Variants in MAD2L1 observed in about 807,000 individuals in gnomAD.
The protein encoded by MAD2L1 is mitotic spindle assembly checkpoint protein MAD2A.
Under a neutral mutation model 25.9 loss-of-function variants are expected in MAD2L1, and 10 were observed. The ratio of observed to expected loss-of-function variants is 0.39; its 90% CI spans 0.24 to 0.66. The LOEUF (loss-of-function observed/expected upper bound fraction) is 0.66, where lower values mean the gene tolerates loss of function less well. Ranked by LOEUF, MAD2L1 falls within the 30% of genes least tolerant of loss-of-function variation. The probability of loss-of-function intolerance (pLI) is 0.49; values close to 1 mark genes in which losing one functional copy is unlikely to be tolerated. For synonymous variants in MAD2L1, 81 were observed against 91.8 expected, an observed-to-expected ratio of 0.88 and a Z score of 0.67; for missense variants, 180 against 246.4, an observed-to-expected ratio of 0.73 and a Z score of 1.80.
chr4:120,056,183 C>T lies in MAD2L1; in HGVS notation c.*3935G>A, dbSNP rs1043622530. On this transcript the variant is annotated 3_prime_UTR_variant, in exon 5 of 5. Coordinates refer to ENST00000296509, the MANE Select transcript of MAD2L1 (RefSeq NM_002358.4). ...CTTCCTTGGCCAGGGATAGGAGAGA[C>T]CACTAAACTTCAAAAACCACGACAC... is the stretch of plus-strand genomic sequence containing the variant. The T allele has an allele frequency of 2.0e-5, 3 of 152,138 alleles. No homozygotes were observed. The highest frequency in any genetic ancestry group is 2.0e-4 in the Admixed American group (3 of 15,280). The allele number at this position is 152,138 out of a possible 1,614,324, so 9.4% of individuals were successfully genotyped here. A position where few individuals can be genotyped will look rare whatever the true frequency, so the allele number is the denominator to read the frequency against.
rs985260644 is a variant in MAD2L1 at position 120,059,911 on chromosome 4, C to T, written c.*207G>A. ...CTCCTGGTTCCTTTTGAACAATGTG[C>T]AATAAATTCATGATGTTAACTCCAT... On this transcript the variant is annotated 3_prime_UTR_variant, in exon 5 of 5. Transcript: ENST00000296509. 1 of 410,966 alleles carries T rather than the reference C, an allele frequency of 2.4e-6. No homozygotes were observed. Among genetic ancestry groups the T allele is most frequent in the Admixed American group, 3.9e-5 (1 of 25,766 alleles). 25.5% of individuals were successfully genotyped at this position (410,966 alleles called of 1,614,324 possible).
intron 1 of MAD2L1, among the ~76,000 whole-genome samples, chr4:120,066,432 G>A (rs1726321621): frequency 6.6e-6 from 1 of 152,156 alleles, no homozygotes; most frequent in South Asian, 2.1e-4. Context: ...AGGGGTGGGA[G>A]GTGGGACGGA....
chr4:120,064,219 G>C (rs899841612), intron 2 of MAD2L1, among the ~76,000 whole-genome samples: 2 of 152,070 alleles, frequency 1.3e-5, no homozygotes, highest in Non-Finnish European at 2.9e-5. Flanking sequence ...CAGGCCAAAC[G>C]ACCTGAGTAC....
intron 2 of MAD2L1, 110 bp from the exon 3 acceptor site, chr4:120,062,205 G>T: frequency 2.1e-6 from 2 of 948,750 alleles, no homozygotes; most frequent in Non-Finnish European, 3.1e-6. Flanking sequence ...CTGCTATCTG[G>T]GACCTCCTCC....
chr4:120,061,086 CAGGGCTTATTTGAGAAAGG>C (rs1283259386), intron 3 of MAD2L1, 109 bp from the exon 4 acceptor site: 1 of 641,688 alleles, frequency 1.6e-6, no homozygotes, highest in African/African-American at 1.9e-5. Context: ...ATCAAATAAG[CAGGGCTTATTTGAGAAAGG>C]AGGTTTGTAA....
rs1726133186 is a variant in MAD2L1 at position 120,057,667 on chromosome 4, T to C, written c.*2451A>G. 1 of 152,262 alleles carries C rather than the reference T, an allele frequency of 6.6e-6. No homozygotes were observed. The highest frequency in any genetic ancestry group is 2.4e-5 in the African/African-American group (1 of 41,458). The allele number at this position is 152,262 out of a possible 1,614,324, so 9.4% of individuals were successfully genotyped here. ...TATCATGCTGTCTTAGAACCTTCTC[T>C]TTAACATGGTGTAGAAACCACTCAC... On this transcript the variant is annotated 3_prime_UTR_variant, in exon 5 of 5. Coordinates refer to ENST00000296509, the MANE Select transcript of MAD2L1 (RefSeq NM_002358.4).
intron 3 of MAD2L1, 171 bp from the exon 4 acceptor site, chr4:120,061,148 A>C: frequency 3.9e-6 from 2 of 506,860 alleles, no homozygotes; most frequent in African/African-American, 3.9e-5. Context: ...TCAGACCTAC[A>C]ACCTAGTAGG....
intron 2 of MAD2L1, among the ~76,000 whole-genome samples, chr4:120,064,646 A>C (rs1368744796): frequency 6.6e-6 from 1 of 152,196 alleles, no homozygotes; most frequent in Non-Finnish European, 1.5e-5. Flanking sequence ...CTTGCCTGTT[A>C]ATTTGAGACC....
At position 120,058,789 on chromosome 4, in the gene MAD2L1, A is replaced by T. The variant is rs907891624; in HGVS notation, c.*1329T>A. 2 of 152,254 alleles carry T rather than the reference A, an allele frequency of 1.3e-5. No individual in the cohort carries two copies. Among genetic ancestry groups the T allele is most frequent in the African/African-American group, 4.8e-5 (2 of 41,474 alleles). The allele number at this position is 152,254 out of a possible 1,614,324, so 9.4% of individuals were successfully genotyped here. On this transcript the variant is annotated 3_prime_UTR_variant, in exon 5 of 5. Coordinates refer to ENST00000296509, the MANE Select transcript of MAD2L1 (RefSeq NM_002358.4). ...TGAAGAGTCTACAAATTTGTCACTG[A>T]GAACCCAGAAACTGCCACTGATCCA...
At position 120,058,185 on chromosome 4, in the gene MAD2L1, T is replaced by A. The variant is rs1275162907; in HGVS notation, c.*1933A>T. On this transcript the variant is annotated 3_prime_UTR_variant, in exon 5 of 5. Transcript: ENST00000296509. ...AATGTGTATTTCTTAATTGATTATATAATCTGTAAGGGGTAAAATGACTCA... is the reference window on the plus strand; with the variant it reads ...AATGTGTATTTCTTAATTGATTATAAAATCTGTAAGGGGTAAAATGACTCA... 6.6e-6 allele frequency: 1 copy of A among 152,146 alleles called. No individual in the cohort carries two copies. The allele number at this position is 152,146 out of a possible 1,614,324, so 9.4% of individuals were successfully genotyped here.
chr4:120,065,448 A>AT (rs989190357), intron 2 of MAD2L1: 1 of 437,454 alleles, frequency 2.3e-6, no homozygotes, highest in Non-Finnish European at 4.1e-6. Flanking sequence ...GATGAAGACT[A>AT]TTTTTTTAGC....
rs565010335 is a variant in MAD2L1 at position 120,066,197 on chromosome 4, T to C, written c.74-379A>G. On this transcript the variant is annotated intron_variant, in intron 1 of 4. Coordinates refer to ENST00000296509, the MANE Select transcript of MAD2L1 (RefSeq NM_002358.4). ...ACTGTGCTCCAGACAAGCCTTTATC[T>C]TCCCCTTTCCCTCCCAAATCCTGCC... Among the ~76,000 whole-genome samples the C allele has an allele frequency of 3.3e-5, 5 of 152,274 alleles. No homozygotes were observed. In the East Asian group the frequency reaches 9.7e-4, roughly 29 times the overall value.
rs1578458904 is a variant in MAD2L1, at chr4:120,059,095, T to C, written c.*1023A>G. On this transcript the variant is annotated 3_prime_UTR_variant, in exon 5 of 5. Coordinates refer to ENST00000296509, the MANE Select transcript of MAD2L1 (RefSeq NM_002358.4). Reference sequence around the variant, plus strand: ...AATGAAAGCACAGGAATAAGCATAGTATTTAAGTATATAAGGAAAAGTAGG... The same window carrying C: ...AATGAAAGCACAGGAATAAGCATAGCATTTAAGTATATAAGGAAAAGTAGG... 1.3e-5 allele frequency: 2 copies of C among 152,288 alleles called. No homozygotes were observed. The highest frequency in any genetic ancestry group is 6.8e-3 in the Middle Eastern group (2 of 294). 9.4% of individuals were successfully genotyped at this position (152,288 alleles called of 1,614,324 possible).
chr4:120,065,920 TATAA>T lies in MAD2L1; in HGVS notation c.74-106_74-103del. The T allele has an allele frequency of 2.6e-6, 3 of 1,150,212 alleles. No individual in the cohort carries two copies. The South Asian group carries it at 4.5e-5, about 17-fold the overall frequency. The allele number at this position is 1,150,212 out of a possible 1,614,324, so 71.3% of individuals were successfully genotyped here. Reference sequence around the variant, plus strand: ...CTATATTTTCATTAGGCTATACAGCTATAAATGACTGAACACACGTGTATCTTGC... The same window carrying T: ...CTATATTTTCATTAGGCTATACAGCTATGACTGAACACACGTGTATCTTGC... On this transcript the variant is annotated intron_variant, in intron 1 of 4. Coordinates refer to ENST00000296509, the MANE Select transcript of MAD2L1 (RefSeq NM_002358.4).
chr4:120,056,820 A>T lies in MAD2L1; in HGVS notation c.*3298T>A, dbSNP rs76470095. The T allele has an allele frequency of 1.3e-5, 2 of 152,176 alleles. No homozygotes were observed. Among genetic ancestry groups the T allele is most frequent in the Non-Finnish European group, 2.9e-5 (2 of 68,024 alleles). The allele number at this position is 152,176 out of a possible 1,614,324, so 9.4% of individuals were successfully genotyped here. The stretch of plus-strand genomic sequence containing the variant: ...CCTCCCTTAACAAGTTTTCAGATCA[A>T]ATTGTGAACTGTGGGGTGTGTTAGG... On this transcript the variant is annotated 3_prime_UTR_variant, in exon 5 of 5. Coordinates refer to ENST00000296509, the MANE Select transcript of MAD2L1 (RefSeq NM_002358.4).
chr4:120,056,567 C>T lies in MAD2L1; in HGVS notation c.*3551G>A, dbSNP rs933175348. 4 of 152,128 alleles carry T rather than the reference C, an allele frequency of 2.6e-5. No homozygotes were observed. The highest frequency in any genetic ancestry group is 5.9e-5 in the Non-Finnish European group (4 of 68,020). 9.4% of individuals were successfully genotyped at this position (152,128 alleles called of 1,614,324 possible). On this transcript the variant is annotated 3_prime_UTR_variant, in exon 5 of 5. Transcript: ENST00000296509. ...ATGAAGAAATGGTCTATGAAGTTAT[C>T]TACCTTATTGTGCTAATAATCTTTG...
At position 120,057,779 on chromosome 4, in the gene MAD2L1, A is replaced by G. The variant is rs1376275464; in HGVS notation, c.*2339T>C. On this transcript the variant is annotated 3_prime_UTR_variant, in exon 5 of 5. Transcript: ENST00000296509. ...AGGATGGGACAGTCCACTTGGAGCT[A>G]CAGGGCAAAGCTTTTCCAGTATAGC... The G allele has an allele frequency of 1.3e-5, 2 of 152,240 alleles. No individual in the cohort carries two copies. The highest frequency in any genetic ancestry group is 4.8e-5 in the African/African-American group (2 of 41,474). The allele number at this position is 152,240 out of a possible 1,614,324, so 9.4% of individuals were successfully genotyped here. A position where few individuals can be genotyped will look rare whatever the true frequency, so the allele number is the denominator to read the frequency against.
At chr4:120,066,640 A>G (rs1726326453) in intron 1 of MAD2L1, 22 bp downstream of exon 1, 1 of 1,592,998 alleles carries the variant, frequency 6.3e-7, no homozygotes, top group Non-Finnish European at 8.6e-7. Context: ...CCCCCGATAT[A>G]TTGGCCTGCG....
chr4:120,062,086 T>C lies in MAD2L1; in HGVS notation c.230A>G (p.Tyr77Cys), dbSNP rs1176192317. 4 of 1,610,076 alleles carry C rather than the reference T, an allele frequency of 2.5e-6. No homozygotes were observed. Among genetic ancestry groups the C allele is most frequent in the South Asian group, 1.1e-5 (1 of 90,150 alleles). Residue 77 changes from tyrosine (Y) to cysteine (C), a missense_variant, in exon 3 of 5, where the codon TAC becomes TGC. Tyr to Cys is a radical substitution (Grantham distance 194). Transcript: ENST00000296509. ...NVVEQLKDWL[Y>C]KCSVQKLVVV... ...AACCAGTTTCTGAACTGAACACTTG[T>C]ATAACCAATCTGCAACATATAAAAA...
Sources: gnomAD v4.1 joint callset for allele counts (sites outside exome capture counted in the v4.1 genomes callset) on GRCh38, gnomAD v4.1.1 for gene constraint, MANE v1.5 for transcripts, NCBI Gene and HGNC (gene_info 2026-07-23, HGNC 2026-07-21) for gene names.